ADARB2: variants seen among roughly 807,000 people sequenced by gnomAD.
ADARB2 encodes inactive double-stranded RNA-specific editase B2.
Under a neutral mutation model 62.2 loss-of-function variants are expected in ADARB2, and 25 were observed. The observed-to-expected ratio is 0.40, with a 90% CI of 0.29 to 0.56. The LOEUF is 0.56. Among genes scored for constraint, ADARB2 ranks in the 20% least tolerant of loss-of-function variants. ADARB2 has a pLI of 0.43. For missense variants in ADARB2, 1,071 were observed against 1,077.4 expected, an observed-to-expected ratio of 0.99 and a Z score of 0.08; for synonymous variants, 572 against 500.8, an observed-to-expected ratio of 1.14 and a Z score of -1.90.
intron 4 of ADARB2, among the ~76,000 whole-genome samples, chr10:1,253,862 G>A (rs919802113): frequency 3.9e-5 from 6 of 152,190 alleles, no homozygotes; most frequent in Non-Finnish European, 7.3e-5. Context: ...GCTCTGTGGT[G>A]AGGATGTGGT....
intron 4 of ADARB2, among the ~76,000 whole-genome samples, chr10:1,266,770 G>T (rs1831208676): frequency 6.6e-6 from 1 of 152,220 alleles, no homozygotes; most frequent in Non-Finnish European, 1.5e-5. Flanking sequence ...GAGGACACGG[G>T]CCAGGGCGTC....
chr10:1,585,857 ACC>A (rs1319737588), intron 1 of ADARB2, among the ~76,000 whole-genome samples: 1 of 151,896 alleles, frequency 6.6e-6, no homozygotes, highest in Non-Finnish European at 1.5e-5. Context: ...ACACGGTGAA[ACC>A]CCGTCTCTAC....
chr10:1,413,920 T>C (rs778438811), intron 1 of ADARB2, among the ~76,000 whole-genome samples: 2 of 152,218 alleles, frequency 1.3e-5, no homozygotes, highest in Non-Finnish European at 1.5e-5. Context: ...AAGAAATCCT[T>C]GTCTTGCAAT....
At chr10:1,206,498 C>G in intron 7 of ADARB2, among the ~76,000 whole-genome samples, 2 of 150,602 alleles carry the variant, frequency 1.3e-5, no homozygotes, top group East Asian at 3.9e-4. Context: ...GTCTCCTCCT[C>G]GTGCCTGTGT....
chr10:1,318,267 A>C (rs2131826307), intron 3 of ADARB2, among the ~76,000 whole-genome samples: 1 of 152,328 alleles, frequency 6.6e-6, no homozygotes, highest in East Asian at 1.9e-4. Flanking sequence ...GAACGTGGTA[A>C]AGCCCATCAT....
chr10:1,694,508 G>A (rs544688106), intron 1 of ADARB2, among the ~76,000 whole-genome samples: 1 of 151,554 alleles, frequency 6.6e-6, no homozygotes, highest in Non-Finnish European at 1.5e-5. Flanking sequence ...ACCCACAACC[G>A]GTGGCACTTC....
chr10:1,262,756 T>G lies in ADARB2; in HGVS notation c.1192+8199A>C, dbSNP rs184278830. 4.4e-3 allele frequency among the ~76,000 whole-genome samples: 676 copies of G among 152,284 alleles called. 5 individuals carry two copies. The highest frequency in any genetic ancestry group is 0.015 in the African/African-American group (641 of 41,546). ...CAGGGATCTAGAACTAGAAATACCA[T>G]TTGACCCAGTCATCCCATTACTGGG... On this transcript the variant is annotated intron_variant, in intron 4 of 9. Coordinates refer to ENST00000381312, the MANE Select transcript of ADARB2 (RefSeq NM_018702.4).
intron 1 of ADARB2, among the ~76,000 whole-genome samples, chr10:1,456,683 G>T (rs985955018): frequency 2.6e-5 from 4 of 152,202 alleles, no homozygotes; most frequent in Admixed American, 2.0e-4. Context: ...AGGGTCACTA[G>T]TGGCCCTTTC....
At position 1,334,151 on chromosome 10, in the gene ADARB2, G is replaced by A. The variant is rs11250425; in HGVS notation, c.1077+28877C>T. Among the ~76,000 whole-genome samples, 935 of 152,330 alleles carry A rather than the reference G, an allele frequency of 6.1e-3. 7 individuals carry two copies. The highest frequency in any genetic ancestry group is 0.021 in the African/African-American group (869 of 41,564). On this transcript the variant is annotated intron_variant, in intron 3 of 9. Coordinates refer to ENST00000381312, the MANE Select transcript of ADARB2 (RefSeq NM_018702.4). Reference sequence around the variant, plus strand: ...GGCCGGAGGCTGTTTTGTGTTTCCTGGAGCAGCGGTACGGCGGGAAACATG... The same window carrying A: ...GGCCGGAGGCTGTTTTGTGTTTCCTAGAGCAGCGGTACGGCGGGAAACATG...
Position 1,706,860 on chromosome 10 carries a change from T to C in ADARB2, c.100+30191A>G, listed in dbSNP as rs556754686. Among the ~76,000 whole-genome samples, 9 of 147,824 alleles carry C rather than the reference T, an allele frequency of 6.1e-5. No homozygotes were observed. The South Asian group carries it at 2.0e-3, about 33-fold the overall frequency. The stretch of plus-strand genomic sequence containing the variant: ...CACACCCTCCACTGAGGACAACCTC[T>C]CCAGGGACACCAGAGTGGTGAACGG... On this transcript the variant is annotated intron_variant, in intron 1 of 9. Coordinates refer to ENST00000381312, the MANE Select transcript of ADARB2 (RefSeq NM_018702.4).
chr10:1,449,006 C>G (rs571659871), intron 1 of ADARB2, among the ~76,000 whole-genome samples: 2 of 152,116 alleles, frequency 1.3e-5, no homozygotes, highest in Non-Finnish European at 2.9e-5. Context: ...TCTGGAGAAG[C>G]GAGTTCGGGG....
intron 1 of ADARB2, among the ~76,000 whole-genome samples, chr10:1,540,138 C>T (rs1045051041): frequency 2.3e-4 from 35 of 152,124 alleles, no homozygotes; most frequent in African/African-American, 8.2e-4. Context: ...CCCCGATTCT[C>T]AACAATATAA....
intron 1 of ADARB2, among the ~76,000 whole-genome samples, chr10:1,585,036 G>A (rs1360767964): frequency 6.6e-6 from 1 of 152,004 alleles, no homozygotes; most frequent in Non-Finnish European, 1.5e-5. Context: ...GTGGATACAT[G>A]CCATTGTACA....
intron 1 of ADARB2, among the ~76,000 whole-genome samples, chr10:1,464,510 G>A (rs1384633202): frequency 6.1e-5 from 5 of 82,448 alleles, no homozygotes; most frequent in East Asian, 8.3e-4. Context: ...CAGGCAGCGC[G>A]CCGGAGAAGA....
intron 3 of ADARB2, among the ~76,000 whole-genome samples, chr10:1,294,900 G>A (rs111537619): frequency 1.2e-4 from 19 of 152,282 alleles, no homozygotes; most frequent in Non-Finnish European, 1.9e-4. Flanking sequence ...CCAAGGCCCC[G>A]ACCTAGACCA....
intron 1 of ADARB2, among the ~76,000 whole-genome samples, chr10:1,508,474 G>A (rs928371282): frequency 3.3e-5 from 5 of 152,154 alleles, no homozygotes; most frequent in East Asian, 1.9e-4. Flanking sequence ...TTGTTTTCAC[G>A]CTGGCTTCTA....
At chr10:1,560,700 C>CT (rs11405156) in intron 1 of ADARB2, among the ~76,000 whole-genome samples, 21,310 of 145,512 alleles carry the variant, frequency 0.15, 1,978 homozygotes, top group Non-Finnish European at 0.21. Context: ...AAGCCACACT[C>CT]TCGCCCAGGC....
chr10:1,714,776 C>A (rs1338027253), intron 1 of ADARB2, among the ~76,000 whole-genome samples: 2 of 152,216 alleles, frequency 1.3e-5, no homozygotes, highest in Non-Finnish European at 2.9e-5. Context: ...TATTTTATAG[C>A]TGATTCTCAC....
intron 3 of ADARB2, among the ~76,000 whole-genome samples, chr10:1,349,023 C>A (rs1267864621): frequency 6.6e-6 from 1 of 152,152 alleles, no homozygotes; most frequent in East Asian, 1.9e-4. Flanking sequence ...AGGTGTCAGG[C>A]CTCTGAGCCC....
Sources: gnomAD v4.1 joint callset for allele counts (sites outside exome capture counted in the v4.1 genomes callset) on GRCh38, gnomAD v4.1.1 for gene constraint, MANE v1.5 for transcripts, NCBI Gene and HGNC (gene_info 2026-07-23, HGNC 2026-07-21) for gene names.